The following FHAD1 variants were observed in gnomAD, a reference collection of about 807,000 sequenced individuals.
FHAD1 encodes the protein forkhead-associated domain-containing protein 1.
A neutral mutation model predicts 191.3 loss-of-function variants in FHAD1; 146 were observed. That is an observed-to-expected ratio of 0.76 (90% CI 0.67 to 0.88). FHAD1 has a LOEUF of 0.88. FHAD1 is among the 40% of genes least tolerant of loss of function. The probability of loss-of-function intolerance (pLI) is 0.00; values close to 1 mark genes in which losing one functional copy is unlikely to be tolerated. For synonymous variants in FHAD1, 616 were observed against 672.3 expected (o/e 0.92, Z 1.29); for missense variants, 1,635 against 1,785.8 (o/e 0.92, Z 1.52).
intron 4 of FHAD1, 52 bp from the exon 5 acceptor site, chr1:15,296,632 C>T (rs759193197): frequency 2.1e-6 from 3 of 1,432,374 alleles, no homozygotes; most frequent in South Asian, 1.2e-5. Context: ...TTCTTCAGGC[C>T]TCAGGGAAAC....
chr1:15,310,110 A>C (rs971462236), intron 7 of FHAD1, among the ~76,000 whole-genome samples: 7 of 152,186 alleles, frequency 4.6e-5, no homozygotes, highest in African/African-American at 1.7e-4. Flanking sequence ...CCATGGACAG[A>C]GAAAGGGGGA....
At chr1:15,320,646 C>T (rs986676927) in intron 10 of FHAD1, among the ~76,000 whole-genome samples, 1 of 152,152 alleles carries the variant, frequency 6.6e-6, no homozygotes, top group Non-Finnish European at 1.5e-5. Flanking sequence ...AAGTCTTTGT[C>T]ATTAAGGTAG....
downstream of FHAD1, among the ~76,000 whole-genome samples, chr1:15,401,969 T>G (rs1164686282): frequency 1.3e-5 from 2 of 152,270 alleles, no homozygotes; most frequent in East Asian, 1.9e-4. Context: ...GGAATCCTTT[T>G]GCAATGCCTC....
chr1:15,243,216 G>A (rs11585810), upstream of FHAD1, among the ~76,000 whole-genome samples: 34,715 of 152,106 alleles, frequency 0.23, 4,220 homozygotes, highest in Middle Eastern at 0.29. Context: ...AGCCTCAGTT[G>A]CCAGTTATTC....
At chr1:15,250,852 G>A (rs1040310380) in intron 1 of FHAD1, among the ~76,000 whole-genome samples, 3 of 152,078 alleles carry the variant, frequency 2.0e-5, no homozygotes, top group Non-Finnish European at 2.9e-5. Context: ...ATGAATGAAT[G>A]AATAAAATAA....
chr1:15,383,904 G>C (rs1403529751), intron 31 of FHAD1: 1 of 442,756 alleles, frequency 2.3e-6, no homozygotes, highest in East Asian at 7.1e-5. Flanking sequence ...TCTGACCCTG[G>C]TTCTCCTGCT....
intron 25 of FHAD1, among the ~76,000 whole-genome samples, chr1:15,368,595 T>TGGCCAAAG: frequency 6.6e-6 from 1 of 152,308 alleles, no homozygotes; most frequent in East Asian, 1.9e-4. Context: ...CCAAAGCAGA[T>TGGCCAAAG]TCACATAGTG....
At chr1:15,237,771 GA>G (rs1361798053) in intron 1 of FHAD1, among the ~76,000 whole-genome samples, 3 of 149,262 alleles carry the variant, frequency 2.0e-5, no homozygotes, top group African/African-American at 7.5e-5. Context: ...TTGTTCTCGA[GA>G]AAAGAGAGAG....
chr1:15,329,664 C>G lies in FHAD1; in HGVS notation c.1906+123C>G. The G allele has an allele frequency of 1.2e-6, 1 of 800,532 alleles. No individual in the cohort carries two copies. Among genetic ancestry groups the G allele is most frequent in the South Asian group, 2.1e-5 (1 of 48,246 alleles). 49.6% of individuals were successfully genotyped at this position (800,532 alleles called of 1,614,324 possible). A position where few individuals can be genotyped will look rare whatever the true frequency, so the allele number is the denominator to read the frequency against. The stretch of plus-strand genomic sequence containing the variant: ...ATCTGGCCAAGTCTATTCCCTTCTC[C>G]AGAACCCCCTGCTTCTCTGCTTGAG... On this transcript the variant is annotated intron_variant, in intron 14 of 33. Transcript: ENST00000688493. This position sits in a 1 kb window ranked among gnomAD's most constrained non-coding sequence, Gnocchi z 5.0.
At chr1:15,267,235 T>A (rs1298653197) in intron 2 of FHAD1, among the ~76,000 whole-genome samples, 1 of 152,190 alleles carries the variant, frequency 6.6e-6, no homozygotes, top group Non-Finnish European at 1.5e-5. Flanking sequence ...CTTTAGCCTC[T>A]TGATGCAATG....
At chr1:15,362,751 G>A (rs751760700) in intron 23 of FHAD1, 25 bp downstream of exon 23, 38 of 1,533,554 alleles carry the variant, frequency 2.5e-5, no homozygotes, top group African/African-American at 1.2e-4. Context: ...GTGTGTGAGC[G>A]CCAGGCATTC....
chr1:15,289,728 G>A lies in FHAD1; in HGVS notation c.568+62G>A. 6.8e-7 allele frequency: 1 copy of A among 1,475,802 alleles called. No individual in the cohort carries two copies. The highest frequency in any genetic ancestry group is 9.0e-7 in the Non-Finnish European group (1 of 1,109,142). The allele number at this position is 1,475,802 out of a possible 1,614,324, so 91.4% of individuals were successfully genotyped here. A position where few individuals can be genotyped will look rare whatever the true frequency, so the allele number is the denominator to read the frequency against. On this transcript the variant is annotated intron_variant, in intron 4 of 33. Coordinates refer to ENST00000688493, the MANE Select transcript of FHAD1 (RefSeq NM_001391957.1). This position sits in a 1 kb window ranked among gnomAD's most constrained non-coding sequence, Gnocchi z 4.2. ...GTTCACGGCCATGTGGATGGGTCTT[G>A]GTTTTGGTTTACTTTCTGATTCTAA... is the stretch of plus-strand genomic sequence containing the variant.
downstream of FHAD1, among the ~76,000 whole-genome samples, chr1:15,402,472 C>A: frequency 6.6e-6 from 1 of 152,176 alleles, no homozygotes; most frequent in Non-Finnish European, 1.5e-5. Flanking sequence ...ATCTTGTTGG[C>A]TACGTATGGG....
At chr1:15,273,133 C>T (rs1012862629) in intron 3 of FHAD1, among the ~76,000 whole-genome samples, 2 of 152,232 alleles carry the variant, frequency 1.3e-5, no homozygotes, top group South Asian at 2.1e-4. Flanking sequence ...ATGGGAGATT[C>T]TAATTTTGTG....
downstream of FHAD1, chr1:15,400,218 C>T (rs1707055198): frequency 6.6e-6 from 1 of 152,280 alleles, no homozygotes; most frequent in South Asian, 2.1e-4. Flanking sequence ...AGCTCTGAAC[C>T]ATGAATGAAC....
intron 3 of FHAD1, among the ~76,000 whole-genome samples, chr1:15,274,225 G>T (rs1657349122): frequency 6.6e-6 from 1 of 152,092 alleles, no homozygotes; most frequent in East Asian, 1.9e-4. Context: ...TTTGGGGAGG[G>T]GTATTTTGTT....
chr1:15,264,657 C>T (rs1165474222), intron 2 of FHAD1, among the ~76,000 whole-genome samples: 2 of 151,574 alleles, frequency 1.3e-5, no homozygotes, highest in Non-Finnish European at 2.9e-5. Flanking sequence ...TATTGAATGC[C>T]TTTCACTTCT....
chr1:15,259,906 C>T (rs924451732), intron 2 of FHAD1, among the ~76,000 whole-genome samples: 3 of 152,134 alleles, frequency 2.0e-5, no homozygotes, highest in South Asian at 2.1e-4. Flanking sequence ...TAAGAAACAG[C>T]GCACACAAAG....
At chr1:15,260,797 C>T (rs576815739) in intron 2 of FHAD1, among the ~76,000 whole-genome samples, 4 of 152,222 alleles carry the variant, frequency 2.6e-5, no homozygotes, top group Non-Finnish European at 5.9e-5. Context: ...TAAGGGCTCA[C>T]GTGGTTAGAT....
Sources: gnomAD v4.1 joint callset for allele counts (sites outside exome capture counted in the v4.1 genomes callset) on GRCh38, gnomAD v4.1.1 for gene constraint, Gnocchi (gnomAD v3.1) non-coding constraint, MANE v1.5 for transcripts, NCBI Gene and HGNC (gene_info 2026-07-23, HGNC 2026-07-21) for gene names.